Variants in CNTN5 observed in about 807,000 individuals in gnomAD.
CNTN5 encodes the protein contactin 5.
A neutral mutation model predicts 129.1 loss-of-function variants in CNTN5; 77 were observed. That is an observed-to-expected ratio of 0.60 (90% CI 0.50 to 0.72). CNTN5 has a LOEUF of 0.72. CNTN5 is among the 30% of genes least tolerant of loss of function. CNTN5 has a pLI of 0.00. For synonymous variants in CNTN5, 509 were observed against 465.6 expected, an observed-to-expected ratio of 1.09 and a Z score of -1.20; for missense variants, 1,478 against 1,328.8, an observed-to-expected ratio of 1.11 and a Z score of -1.75.
At chr11:99,640,344 C>T (rs1014953205) in intron 3 of CNTN5, among the ~76,000 whole-genome samples, 1 of 152,170 alleles carries the variant, frequency 6.6e-6, no homozygotes. Context: ...CTTATAGTTC[C>T]ATATGCCTGG....
At chr11:99,834,359 T>C (rs1281341292) in intron 4 of CNTN5, among the ~76,000 whole-genome samples, 1 of 152,144 alleles carries the variant, frequency 6.6e-6, no homozygotes, top group African/African-American at 2.4e-5. Context: ...TGAAAATTTA[T>C]TGAATTAAAT....
intron 1 of CNTN5, among the ~76,000 whole-genome samples, chr11:99,204,795 C>G (rs550308670): frequency 4.6e-5 from 7 of 152,296 alleles, no homozygotes; most frequent in African/African-American, 1.7e-4. Context: ...GGCCTGAGAG[C>G]TGGCGTGGAG....
chr11:99,324,893 G>A lies in CNTN5; in HGVS notation c.-209-453G>A, dbSNP rs914543129. Among the ~76,000 whole-genome samples the A allele has an allele frequency of 7.2e-5, 11 of 151,994 alleles. No individual in the cohort carries two copies. The South Asian group carries it at 1.5e-3, about 20-fold the overall frequency. Reference sequence around the variant, plus strand: ...CCTGACCTCGTGATCCGCCTGCCTCGGCCTCCCAAAGTGCCTGGATTACAG... The same window carrying A: ...CCTGACCTCGTGATCCGCCTGCCTCAGCCTCCCAAAGTGCCTGGATTACAG... On this transcript the variant is annotated intron_variant, in intron 1 of 24. Coordinates refer to ENST00000524871, the MANE Select transcript of CNTN5 (RefSeq NM_014361.4).
rs1864598269 is a variant in CNTN5, at chr11:99,055,680, A to C, written c.-210+34410A>C. Among the ~76,000 whole-genome samples the C allele has an allele frequency of 2.0e-5, 3 of 151,906 alleles. 1 individual carries two copies. The highest frequency in any genetic ancestry group is 1.3e-4 in the Admixed American group (2 of 15,190). On this transcript the variant is annotated intron_variant, in intron 1 of 24. Transcript: ENST00000524871. ...TGCTTGCCATATCCCAGCTCTTACCAATCATATTCATAATCATTTTATAAA... is the reference window on the plus strand; with the variant it reads ...TGCTTGCCATATCCCAGCTCTTACCCATCATATTCATAATCATTTTATAAA...
chr11:100,357,887 C>T lies in CNTN5; in HGVS notation c.*1667C>T, dbSNP rs1296081352. On this transcript the variant is annotated 3_prime_UTR_variant, in exon 25 of 25. Transcript: ENST00000524871. Reference sequence around the variant, plus strand: ...TTCTCTTTGGGGAAATGATGTAAGACACCCTAAACAAACAAGAAATTAGTT... The same window carrying T: ...TTCTCTTTGGGGAAATGATGTAAGATACCCTAAACAAACAAGAAATTAGTT... 2 of 151,746 alleles carry T rather than the reference C, an allele frequency of 1.3e-5. No homozygotes were observed. The highest frequency in any genetic ancestry group is 2.4e-5 in the African/African-American group (1 of 41,396). The allele number at this position is 151,746 out of a possible 1,614,324, so 9.4% of individuals were successfully genotyped here.
At chr11:100,197,615 T>C (rs2138533339) in intron 15 of CNTN5, among the ~76,000 whole-genome samples, 1 of 152,120 alleles carries the variant, frequency 6.6e-6, no homozygotes, top group South Asian at 2.1e-4. Context: ...AGCATTGCCA[T>C]GTGGCCCCAG....
intron 2 of CNTN5, among the ~76,000 whole-genome samples, chr11:99,357,406 T>C (rs1196570971): frequency 5.3e-5 from 8 of 152,136 alleles, no homozygotes; most frequent in Non-Finnish European, 1.0e-4. Context: ...TATTATATAC[T>C]TGAAATTACA....
intron 3 of CNTN5, among the ~76,000 whole-genome samples, chr11:99,785,687 T>A (rs1226921254): frequency 6.6e-6 from 1 of 152,152 alleles, no homozygotes; most frequent in African/African-American, 2.4e-5. Context: ...GTTACAAGAC[T>A]GGTTCAACAT....
intron 1 of CNTN5, among the ~76,000 whole-genome samples, chr11:99,234,257 T>TGGACGG (rs1467362925): frequency 6.6e-6 from 1 of 151,992 alleles, no homozygotes; most frequent in Non-Finnish European, 1.5e-5. Flanking sequence ...AAGAGTGTGT[T>TGGACGG]GGACGGGGAC....
chr11:100,265,524 T>A (rs976451959), intron 17 of CNTN5, among the ~76,000 whole-genome samples: 110 of 152,226 alleles, frequency 7.2e-4, no homozygotes, highest in African/African-American at 1.9e-3. Flanking sequence ...CAATCAAAAT[T>A]AACTCTAATT....
At chr11:99,460,710 A>AT (rs1944665686) in intron 2 of CNTN5, among the ~76,000 whole-genome samples, 1 of 152,014 alleles carries the variant, frequency 6.6e-6, no homozygotes, top group African/African-American at 2.4e-5. Flanking sequence ...ATTTTCAGAT[A>AT]CTGAAAATCA....
intron 1 of CNTN5, among the ~76,000 whole-genome samples, chr11:99,285,491 T>A (rs184670365): frequency 5.3e-5 from 8 of 151,710 alleles, no homozygotes; most frequent in Admixed American, 2.6e-4. Flanking sequence ...TAAAGTAGGG[T>A]GCTGTTTTTT....
At chr11:99,723,398 G>C (rs1224644374) in intron 3 of CNTN5, among the ~76,000 whole-genome samples, 1 of 151,970 alleles carries the variant, frequency 6.6e-6, no homozygotes, top group Non-Finnish European at 1.5e-5. Context: ...TATTCCCCTA[G>C]TACTTTTCAT....
At chr11:99,504,020 T>C (rs1591176839) in intron 2 of CNTN5, among the ~76,000 whole-genome samples, 1 of 152,176 alleles carries the variant, frequency 6.6e-6, no homozygotes, top group African/African-American at 2.4e-5. Context: ...GTGTTAATTG[T>C]TCAATGAGAT....
chr11:99,945,869 A>T (rs1950543830), intron 7 of CNTN5, among the ~76,000 whole-genome samples: 1 of 151,974 alleles, frequency 6.6e-6, no homozygotes, highest in African/African-American at 2.4e-5. Context: ...TACACATTTC[A>T]TGTCACTCTA....
At chr11:99,222,126 C>G (rs1860425170) in intron 1 of CNTN5, among the ~76,000 whole-genome samples, 1 of 151,804 alleles carries the variant, frequency 6.6e-6, no homozygotes, top group Non-Finnish European at 1.5e-5. Flanking sequence ...ATACCTATTG[C>G]TTGGTTTTTT....
At chr11:100,350,583 A>T (rs984048771) in intron 23 of CNTN5, 119 bp from the exon 24 acceptor site, 2 of 645,704 alleles carry the variant, frequency 3.1e-6, no homozygotes, top group Admixed American at 3.2e-5. Flanking sequence ...ACATTTGCTT[A>T]TGTATCTGTC....
chr11:99,203,254 G>A (rs919990444), intron 1 of CNTN5, among the ~76,000 whole-genome samples: 3 of 152,058 alleles, frequency 2.0e-5, no homozygotes, highest in Non-Finnish European at 4.4e-5. Context: ...AATCATGTTG[G>A]TATTTATTTG....
rs570493176 is a variant in CNTN5 at position 99,760,504 on chromosome 11, G to A, written c.56-59040G>A. Among the ~76,000 whole-genome samples, 6 of 152,116 alleles carry A rather than the reference G, an allele frequency of 3.9e-5. No individual in the cohort carries two copies. The South Asian group carries it at 6.2e-4, about 16-fold the overall frequency. ...ACACTTTGGGTGAATTTTTTGTTAC[G>A]TTATACATTCATGAAGCTGTTAAAG... On this transcript the variant is annotated intron_variant, in intron 3 of 24. Transcript: ENST00000524871.
Sources: allele counts gnomAD v4.1 joint callset (sites outside exome capture counted in the v4.1 genomes callset), GRCh38; gene constraint gnomAD v4.1.1; transcripts MANE v1.5; gene names NCBI Gene and HGNC (gene_info 2026-07-23, HGNC 2026-07-21).